The following WASHC5 variants were observed in gnomAD, a reference collection of about 807,000 sequenced individuals.
WASHC5 encodes WASH complex subunit strumpellin.
A neutral mutation model predicts 150.4 loss-of-function variants in WASHC5; 101 were observed. The ratio of observed to expected loss-of-function variants is 0.67; its 90% CI spans 0.57 to 0.79. The LOEUF (loss-of-function observed/expected upper bound fraction) is 0.79. Ranked by LOEUF, WASHC5 falls within the 30% of genes least tolerant of loss-of-function variation. The pLI, the probability that WASHC5 is intolerant of heterozygous loss-of-function variation, is 0.00. For synonymous variants in WASHC5, 467 were observed against 491.2 expected (o/e 0.95, Z 0.65); for missense variants, 1,195 against 1,396.3 (o/e 0.86, Z 2.30).
chr8:125,060,016 T>C (rs564759049), intron 12 of WASHC5, among the ~76,000 whole-genome samples: 2 of 152,312 alleles, frequency 1.3e-5, no homozygotes, highest in South Asian at 2.1e-4. Context: ...TAAGAAACTT[T>C]GGTAGAATTA....
intron 23 of WASHC5, among the ~76,000 whole-genome samples, chr8:125,041,419 C>T (rs555332427): frequency 2.6e-5 from 4 of 152,218 alleles, no homozygotes; most frequent in East Asian, 3.9e-4. Flanking sequence ...GCAGGCTGAT[C>T]GCTTGAGGCT....
chr8:125,048,901 G>A (rs1816154289), intron 19 of WASHC5, 105 bp downstream of exon 19: 1 of 919,694 alleles, frequency 1.1e-6, no homozygotes, highest in African/African-American at 1.7e-5. Flanking sequence ...AAGGTACTGA[G>A]ACTATCTAGT....
chr8:125,077,094 T>C (rs1028224459), intron 6 of WASHC5, among the ~76,000 whole-genome samples: 4 of 152,230 alleles, frequency 2.6e-5, no homozygotes, highest in African/African-American at 9.6e-5. Context: ...AATGTTGGTG[T>C]TCCCCAGGGG....
intron 1 of WASHC5, among the ~76,000 whole-genome samples, chr8:125,087,723 CCTCT>C (rs752267290): frequency 4.0e-4 from 54 of 135,830 alleles, no homozygotes; most frequent in Non-Finnish European, 6.7e-4. Context: ...ACAATGAGAC[CCTCT>C]CTCAAAAAAA....
rs1816510106 is a variant in WASHC5 at position 125,059,269 on chromosome 8, T to G, written c.1717A>C (p.Arg573=). 1 of 1,614,076 alleles carries G rather than the reference T, an allele frequency of 6.2e-7. No homozygotes were observed. Among genetic ancestry groups the G allele is most frequent in the East Asian group, 2.2e-5 (1 of 44,880 alleles). The change falls in exon 14 of 29, where the codon AGG becomes CGG. Residue 573 remains arginine, a synonymous_variant. Coordinates refer to ENST00000318410, the MANE Select transcript of WASHC5 (RefSeq NM_014846.4). ...SFTSIMQESI[R]VNPSMVTKLR... is the part of the protein sequence containing the mutation. ...TTAGTAACCATGGATGGATTTACCC[T>G]TATGCTTTCTTGCATGATGGATGTG...
chr8:125,068,467 G>A (rs1467127954), intron 9 of WASHC5, among the ~76,000 whole-genome samples: 6 of 152,162 alleles, frequency 3.9e-5, no homozygotes, highest in Admixed American at 3.3e-4. Context: ...GAGGATGCTC[G>A]GAAGCTTGTG....
At position 125,050,553 on chromosome 8, in the gene WASHC5, T is replaced by A; in HGVS notation, c.2199+11A>T. The A allele has an allele frequency of 6.2e-7, 1 of 1,604,288 alleles. No homozygotes were observed. The highest frequency in any genetic ancestry group is 1.3e-5 in the African/African-American group (1 of 74,866). On this transcript the variant is annotated intron_variant, in intron 18 of 28. Coordinates refer to ENST00000318410, the MANE Select transcript of WASHC5 (RefSeq NM_014846.4). ...GGAGAAGAGGACAGGCCCACTCTGG[T>A]CACTGGGTACCTTGGCTCGAGGGTT...
rs1211984807 is a variant in WASHC5, at chr8:125,049,028, C to T, written c.2357G>A (p.Cys786Tyr). 5.6e-6 allele frequency: 9 copies of T among 1,612,820 alleles called. No homozygotes were observed. Among genetic ancestry groups the T allele is most frequent in the Admixed American group, 1.7e-5 (1 of 59,932 alleles). Residue 786 changes from cysteine to tyrosine, a missense_variant, in exon 19 of 29, where the codon TGT (cysteine) becomes TAT (tyrosine). Physicochemically the swap from Cys to Tyr is radical, Grantham distance 194. Around this residue, in one of 3 missense-constraint regions of WASHC5, gnomAD observed 997 missense variants for 1,168.1 expected, o/e 0.85. Transcript: ENST00000318410. ...RIINYNVEQE[C>Y]NNFLRTKIQD... ...TACCTTCGTTCTTAGAAAGTTATTA[C>T]ACTCTTGCTCCACGTTGTAATTTAT...
At chr8:125,077,918 C>A (rs1817113555) in intron 6 of WASHC5, among the ~76,000 whole-genome samples, 1 of 152,058 alleles carries the variant, frequency 6.6e-6, no homozygotes, top group African/African-American at 2.4e-5. Context: ...AACAACAACA[C>A]CACCAACAAA....
intron 26 of WASHC5, among the ~76,000 whole-genome samples, chr8:125,033,113 C>A (rs777025780): frequency 1.3e-5 from 2 of 152,070 alleles, no homozygotes; most frequent in Non-Finnish European, 2.9e-5. Flanking sequence ...CTGACCTCTG[C>A]CTGGGTGGCT....
In WASHC5 at chr8:125,079,112, GTGTGTATA is replaced by G. The variant is rs1241726066; in HGVS notation, c.519-190_519-183del. On this transcript the variant is annotated intron_variant, in intron 5 of 28. Transcript: ENST00000318410. ...ATTATGTGTATATATATGTGTGTGT[GTGTGTATA>G]TATATATATATATATATATACATTT... Among the ~76,000 whole-genome samples the G allele has an allele frequency of 1.7e-4, 8 of 48,418 alleles. 1 individual carries two copies. Among genetic ancestry groups the G allele is most frequent in the African/African-American group, 5.6e-4 (8 of 14,392 alleles). The allele number at this position is 48,418 out of a possible 152,430, so 31.8% of individuals were successfully genotyped here.
intron 1 of WASHC5, among the ~76,000 whole-genome samples, chr8:125,085,626 T>C (rs141134719): frequency 2.6e-5 from 4 of 152,246 alleles, no homozygotes; most frequent in Non-Finnish European, 5.9e-5. Flanking sequence ...ACTACCCAGG[T>C]TGTGCCTTCT....
Position 125,072,359 on chromosome 8 carries a change from G to GT in WASHC5, c.1150+793_1150+794insA, listed in dbSNP as rs755303939. ...TTAAAAAAAAAAAAAAAGTGGGGGG[G>GT]GGGGGCGGGCTCTTATTTTATTATT... is the stretch of plus-strand genomic sequence containing the variant. On this transcript the variant is annotated intron_variant, in intron 9 of 28. Coordinates refer to ENST00000318410, the MANE Select transcript of WASHC5 (RefSeq NM_014846.4). 6.8e-3 allele frequency among the ~76,000 whole-genome samples: 737 copies of GT among 108,730 alleles called. 22 individuals are homozygous for GT. The highest frequency in any genetic ancestry group is 0.01 in the Non-Finnish European group (557 of 53,854). The allele number at this position is 108,730 out of a possible 152,430, so 71.3% of individuals were successfully genotyped here.
At position 125,055,630 on chromosome 8, in the gene WASHC5, G is replaced by C. The variant is rs1816382493; in HGVS notation, c.2058C>G (p.Gly686=). ...LTHAISIFTE[G]ILMMKTTLVG... Reference sequence around the variant, plus strand: ...CCAAAGTCGTTTTCATCATTAAGATGCCTTCAGTAAAAATGGAAATAGCAT... The same window carrying C: ...CCAAAGTCGTTTTCATCATTAAGATCCCTTCAGTAAAAATGGAAATAGCAT... Residue 686 remains glycine, a synonymous_variant, in exon 17 of 29, where the codon GGC becomes GGG. Coordinates refer to ENST00000318410, the MANE Select transcript of WASHC5 (RefSeq NM_014846.4). The C allele has an allele frequency of 6.2e-7, 1 of 1,610,320 alleles. No individual in the cohort carries two copies. The highest frequency in any genetic ancestry group is 2.2e-5 in the East Asian group (1 of 44,704).
intron 28 of WASHC5, among the ~76,000 whole-genome samples, chr8:125,026,538 T>C (rs909535726): frequency 2.0e-5 from 3 of 152,226 alleles, no homozygotes; most frequent in Non-Finnish European, 4.4e-5. Flanking sequence ...GCTAATTTAT[T>C]TGTTTCATAT....
In WASHC5 at chr8:125,039,734, G is replaced by T; in HGVS notation, c.2954+61C>A. On this transcript the variant is annotated intron_variant, in intron 24 of 28. Transcript: ENST00000318410. ...AAAAGAGTAAGAACTGAAGAAACTGGGGTGCGTAGATAATAAACAATCCAA... is the reference window on the plus strand; with the variant it reads ...AAAAGAGTAAGAACTGAAGAAACTGTGGTGCGTAGATAATAAACAATCCAA... 3.7e-6 allele frequency: 4 copies of T among 1,082,812 alleles called. No individual in the cohort carries two copies. In the South Asian group the frequency reaches 3.8e-5, roughly 10 times the overall value. The allele number at this position is 1,082,812 out of a possible 1,614,324, so 67.1% of individuals were successfully genotyped here.
Position 125,029,989 on chromosome 8 carries a change from G to C in WASHC5, c.3336-1282C>G, listed in dbSNP as rs148852702. On this transcript the variant is annotated intron_variant, in intron 27 of 28. Coordinates refer to ENST00000318410, the MANE Select transcript of WASHC5 (RefSeq NM_014846.4). ...AAGGAAGGAATTCCCATGCGTCACA[G>C]GTTCCTTAGATTCCTTTGCTCTGCT... 2.9e-4 allele frequency among the ~76,000 whole-genome samples: 44 copies of C among 152,298 alleles called. No individual in the cohort carries two copies. The South Asian group carries it at 3.3e-3, about 11-fold the overall frequency.
rs551011212 is a variant in WASHC5 at position 125,064,748 on chromosome 8, A to G, written c.1279-1097T>C. 1.6e-4 allele frequency among the ~76,000 whole-genome samples: 24 copies of G among 152,250 alleles called. No homozygotes were observed. In the East Asian group the frequency reaches 4.6e-3, roughly 29 times the overall value. ...CATGAACTCTGATTTCTCGCTTAAG[A>G]AATTCCTCACTTGCCAGCATCATAA... On this transcript the variant is annotated intron_variant, in intron 10 of 28. Coordinates refer to ENST00000318410, the MANE Select transcript of WASHC5 (RefSeq NM_014846.4).
chr8:125,078,985 G>T, intron 5 of WASHC5, 55 bp from the exon 6 acceptor site: 1 of 1,454,344 alleles, frequency 6.9e-7, no homozygotes. Flanking sequence ...ATTAGAAACT[G>T]AAAAGTCCAA....
Sources: gnomAD v4.1 joint callset for allele counts (sites outside exome capture counted in the v4.1 genomes callset) on GRCh38, gnomAD v4.1.1 for gene constraint, gnomAD v4.1.1 regional missense constraint, MANE v1.5 for transcripts, NCBI Gene and HGNC (gene_info 2026-07-23, HGNC 2026-07-21) for gene names.